The following PLCB4 variants were observed in gnomAD, a reference collection of about 807,000 sequenced individuals.
PLCB4 encodes 1-phosphatidylinositol 4,5-bisphosphate phosphodiesterase beta-4.
A neutral mutation model predicts 178.8 loss-of-function variants in PLCB4; 77 were observed. That is an observed-to-expected ratio of 0.43 (90% CI 0.36 to 0.52). PLCB4 has a LOEUF of 0.52. Ranked by LOEUF, PLCB4 falls within the 20% of genes least tolerant of loss-of-function variation. The pLI is 0.00. For missense variants in PLCB4, 1,024 were observed against 1,453.4 expected, an observed-to-expected ratio of 0.70 and a Z score of 4.80; for synonymous variants, 496 against 490.8, an observed-to-expected ratio of 1.01 and a Z score of -0.14.
intron 1 of PLCB4, among the ~76,000 whole-genome samples, chr20:9,088,074 C>T (rs1427087658): frequency 2.0e-5 from 3 of 152,176 alleles, no homozygotes; most frequent in Non-Finnish European, 2.9e-5. Flanking sequence ...ATCTGATGCA[C>T]AAGCCATGGT....
intron 3 of PLCB4, among the ~76,000 whole-genome samples, chr20:9,301,114 T>C (rs1225242769): frequency 1.3e-5 from 2 of 151,442 alleles, no homozygotes; most frequent in Non-Finnish European, 2.9e-5. Context: ...AAACTTCCCC[T>C]GCTCCCCTTT....
At chr20:9,257,150 CT>C (rs1472560271) in intron 3 of PLCB4, among the ~76,000 whole-genome samples, 1 of 152,174 alleles carries the variant, frequency 6.6e-6, no homozygotes, top group East Asian at 1.9e-4. Flanking sequence ...TCTTGGGATA[CT>C]TCCTTTCCTC....
Position 9,405,350 on chromosome 20 carries a change from TAAC to T in PLCB4, c.1647+5_1647+7del, listed in dbSNP as rs1415654925. Reference sequence around the variant, plus strand: ...CTTGAACATGAAAACAACAAAAAGGTAACAAAATAATTCCCTTGCACATTTTAA... The same window carrying T: ...CTTGAACATGAAAACAACAAAAAGGTAAAATAATTCCCTTGCACATTTTAA... On this transcript the variant is annotated splice_donor_5th_base_variant and intron_variant, in intron 21 of 39. Coordinates refer to ENST00000378473, the MANE Select transcript of PLCB4 (RefSeq NM_001377142.1). The T allele has an allele frequency of 7.9e-6, 12 of 1,514,398 alleles. No individual in the cohort carries two copies. In the Admixed American group the frequency reaches 9.5e-5, roughly 12 times the overall value. 93.8% of individuals were successfully genotyped at this position (1,514,398 alleles called of 1,614,324 possible).
intron 2 of PLCB4, among the ~76,000 whole-genome samples, chr20:9,151,354 T>C (rs1315401833): frequency 6.6e-6 from 1 of 152,114 alleles, no homozygotes; most frequent in African/African-American, 2.4e-5. Context: ...GAGGGATGGC[T>C]GATATGGTTT....
chr20:9,213,645 A>G (rs775544940), intron 2 of PLCB4, among the ~76,000 whole-genome samples: 7 of 152,136 alleles, frequency 4.6e-5, no homozygotes, highest in Non-Finnish European at 8.8e-5. Flanking sequence ...TTTTATATGG[A>G]TATATGTTTT....
At chr20:9,124,033 T>C (rs1227260204) in intron 2 of PLCB4, among the ~76,000 whole-genome samples, 1 of 152,114 alleles carries the variant, frequency 6.6e-6, no homozygotes, top group Non-Finnish European at 1.5e-5. Context: ...TTGAATTTCA[T>C]ATAATTATGA....
chr20:9,406,681 G>A (rs1001729533), intron 21 of PLCB4, among the ~76,000 whole-genome samples: 9 of 152,044 alleles, frequency 5.9e-5, no homozygotes, highest in South Asian at 2.1e-4. Context: ...ATTTTTAATA[G>A]AGATGGGGTT....
At chr20:9,360,970 CA>C (rs1602100879) in intron 7 of PLCB4, among the ~76,000 whole-genome samples, 1 of 152,022 alleles carries the variant, frequency 6.6e-6, no homozygotes, top group African/African-American at 2.4e-5. Context: ...AAGAAACAAA[CA>C]AACAAAAAAA....
At chr20:9,183,835 C>A (rs892521906) in intron 2 of PLCB4, among the ~76,000 whole-genome samples, 2 of 152,044 alleles carry the variant, frequency 1.3e-5, no homozygotes, top group Non-Finnish European at 2.9e-5. Flanking sequence ...TTTTGTTGAT[C>A]AAAATGATTA....
intron 3 of PLCB4, among the ~76,000 whole-genome samples, chr20:9,277,334 G>A (rs529975811): frequency 1.1e-4 from 16 of 152,178 alleles, no homozygotes; most frequent in Middle Eastern, 3.4e-3. Context: ...GAGGAAAAGC[G>A]AACTTTGCTG....
chr20:9,211,153 A>G (rs374590455), intron 2 of PLCB4, among the ~76,000 whole-genome samples: 17 of 152,270 alleles, frequency 1.1e-4, no homozygotes, highest in East Asian at 9.7e-4. Flanking sequence ...CAAAGCAGGC[A>G]TTGATCCCTT....
intron 7 of PLCB4, among the ~76,000 whole-genome samples, chr20:9,352,924 A>T (rs2034474198): frequency 6.6e-6 from 1 of 152,198 alleles, no homozygotes; most frequent in African/African-American, 2.4e-5. Flanking sequence ...AGGGTGATTT[A>T]AAAATCATAT....
chr20:9,115,579 T>TC (rs1027646517), intron 2 of PLCB4, among the ~76,000 whole-genome samples: 1 of 74,652 alleles, frequency 1.3e-5, no homozygotes, highest in Non-Finnish European at 2.5e-5. Flanking sequence ...CCCTCCCCCC[T>TC]CCCCCCACCC....
intron 7 of PLCB4, among the ~76,000 whole-genome samples, chr20:9,359,164 C>A (rs927754432): frequency 6.6e-6 from 1 of 152,156 alleles, no homozygotes; most frequent in African/African-American, 2.4e-5. Flanking sequence ...TGTCTCTCTA[C>A]GTTTGTATTT....
intron 3 of PLCB4, among the ~76,000 whole-genome samples, chr20:9,262,107 A>G (rs1480877947): frequency 1.3e-5 from 2 of 152,344 alleles, no homozygotes; most frequent in African/African-American, 4.8e-5. Context: ...TGTGTCTTCT[A>G]TCGTCAGTTG....
In PLCB4 at chr20:9,398,507, T is replaced by C. The variant is rs188487610; in HGVS notation, c.1510+2889T>C. Among the ~76,000 whole-genome samples, 479 of 152,160 alleles carry C rather than the reference T, an allele frequency of 3.1e-3. 2 individuals are homozygous for C. Among genetic ancestry groups the C allele is most frequent in the African/African-American group, 0.011 (456 of 41,502 alleles). On this transcript the variant is annotated intron_variant, in intron 19 of 39. Coordinates refer to ENST00000378473, the MANE Select transcript of PLCB4 (RefSeq NM_001377142.1). ...GTTCCTTTAAGTTAAATTTCATAGA[T>C]GGTAATTAAAATATGTAAGGCATTA...
In PLCB4 at chr20:9,259,153, G is replaced by T. The variant is rs554366068; in HGVS notation, c.-16+41701G>T. The stretch of plus-strand genomic sequence containing the variant: ...TGTGATGAAATGGAATGGTCTGAGT[G>T]AGTGGATGTAGTTTATACTGTTTAA... On this transcript the variant is annotated intron_variant, in intron 3 of 39. Transcript: ENST00000378473. Among the ~76,000 whole-genome samples the T allele has an allele frequency of 4.6e-5, 7 of 152,328 alleles. No homozygotes were observed. The South Asian group carries it at 1.5e-3, about 32-fold the overall frequency.
intron 11 of PLCB4, 51 bp from the exon 12 acceptor site, chr20:9,372,996 A>T: frequency 1.3e-6 from 1 of 783,298 alleles, no homozygotes. Context: ...AATCGTACAT[A>T]CTGTAGCATC....
At chr20:9,444,866 CAT>C (rs1383673061) in intron 32 of PLCB4, among the ~76,000 whole-genome samples, 5 of 152,180 alleles carry the variant, frequency 3.3e-5, no homozygotes, top group African/African-American at 7.2e-5. Flanking sequence ...GTCACTGTCA[CAT>C]AGTTTGCCAT....
Sources: allele counts gnomAD v4.1 joint callset (sites outside exome capture counted in the v4.1 genomes callset), GRCh38; gene constraint gnomAD v4.1.1; transcripts MANE v1.5; gene names NCBI Gene and HGNC (gene_info 2026-07-23, HGNC 2026-07-21).